The following SWAP70 variants were observed in gnomAD, a reference collection of about 807,000 sequenced individuals.
SWAP70 encodes switching B cell complex subunit SWAP70, also known as switch-associated protein 70.
A neutral mutation model predicts 80.2 loss-of-function variants in SWAP70; 34 were observed. The observed-to-expected ratio is 0.42, with a 90% CI of 0.32 to 0.56. The LOEUF is 0.56. Among genes scored for constraint, SWAP70 ranks in the 20% least tolerant of loss-of-function variants. The probability of loss-of-function intolerance (pLI) is 0.09; values close to 1 mark genes in which losing one functional copy is unlikely to be tolerated. For missense variants in SWAP70, 578 were observed against 690.7 expected, an observed-to-expected ratio of 0.84 and a Z score of 1.83; for synonymous variants, 239 against 238.5, an observed-to-expected ratio of 1.00 and a Z score of -0.02.
At chr11:9,678,914 T>C (rs2134430802) in intron 1 of SWAP70, among the ~76,000 whole-genome samples, 1 of 152,264 alleles carries the variant, frequency 6.6e-6, no homozygotes, top group Non-Finnish European at 1.5e-5. Flanking sequence ...TTGCCTCAGC[T>C]TCCTTTTTCT....
intron 3 of SWAP70, among the ~76,000 whole-genome samples, chr11:9,721,216 C>T (rs1851131028): frequency 2.0e-5 from 3 of 151,984 alleles, no homozygotes; most frequent in South Asian, 2.1e-4. Context: ...TTTTCTCTTC[C>T]TCTGCCTATC....
intron 2 of SWAP70, among the ~76,000 whole-genome samples, chr11:9,701,691 CTTTTTTTTTTTTTT>C (rs1163108695): frequency 2.9e-5 from 2 of 68,526 alleles, no homozygotes; most frequent in East Asian, 9.2e-4. Context: ...TTTGTGGGCT[CTTTTTTTTTTTTTT>C]TTTTTTTTTT....
chr11:9,696,150 A>G (rs1850754735), intron 2 of SWAP70, among the ~76,000 whole-genome samples: 1 of 152,072 alleles, frequency 6.6e-6, no homozygotes, highest in Admixed American at 6.6e-5. Flanking sequence ...TTCCTCTGGG[A>G]TATGTTCTGA....
intron 7 of SWAP70, among the ~76,000 whole-genome samples, chr11:9,737,694 G>A (rs1437975970): frequency 6.6e-6 from 1 of 152,058 alleles, no homozygotes; most frequent in South Asian, 2.1e-4. Context: ...TCAAGAGATC[G>A]ACACTATCCT....
intron 1 of SWAP70, among the ~76,000 whole-genome samples, chr11:9,684,071 C>A (rs1330372459): frequency 1.3e-5 from 2 of 151,240 alleles, no homozygotes; most frequent in Non-Finnish European, 3.0e-5. Context: ...GATTTGTGAT[C>A]TTTCTTAAAT....
At chr11:9,708,816 T>G (rs958577242) in intron 2 of SWAP70, among the ~76,000 whole-genome samples, 1 of 152,150 alleles carries the variant, frequency 6.6e-6, no homozygotes, top group Non-Finnish European at 1.5e-5. Context: ...ATGTTCTGCA[T>G]AGATGGCATT....
In SWAP70 at chr11:9,748,057, G is replaced by C; in HGVS notation, c.1554+1G>C. 1 of 1,613,682 alleles carries C rather than the reference G, an allele frequency of 6.2e-7. No homozygotes were observed. The highest frequency in any genetic ancestry group is 8.5e-7 in the Non-Finnish European group (1 of 1,179,670). On this transcript the variant is annotated splice_donor_variant, in intron 10 of 11. Transcript: ENST00000318950. LOFTEE classifies it high-confidence loss of function. ...GAAGCAAGCACTTGAGCAGTACGAG[G>C]TAATGAGACTTGGCCCTGCAAACTT...
At chr11:9,710,341 TCTGCTGCTGCTG>T (rs891814379) in intron 2 of SWAP70, among the ~76,000 whole-genome samples, 1 of 152,126 alleles carries the variant, frequency 6.6e-6, no homozygotes, top group Non-Finnish European at 1.5e-5. Context: ...AATTGCTGCT[TCTGCTGCTGCTG>T]CTGCTTTCCC....
intron 9 of SWAP70, chr11:9,742,042 A>G (rs1408967849): frequency 6.6e-6 from 1 of 151,124 alleles, no homozygotes; most frequent in Non-Finnish European, 1.5e-5. Context: ...CCACTGTACT[A>G]CAGCCTGGGG....
chr11:9,704,752 TC>T (rs1850878333), intron 2 of SWAP70, among the ~76,000 whole-genome samples: 1 of 152,146 alleles, frequency 6.6e-6, no homozygotes, highest in African/African-American at 2.4e-5. Context: ...TCTGTCTTCC[TC>T]CTCGCACTAG....
intron 2 of SWAP70, among the ~76,000 whole-genome samples, chr11:9,701,208 G>T (rs1850826742): frequency 6.9e-6 from 1 of 145,650 alleles, no homozygotes; most frequent in African/African-American, 2.5e-5. Flanking sequence ...TCTTACTCTT[G>T]TTCCCCAGGC....
chr11:9,713,353 A>T, intron 2 of SWAP70, 113 bp from the exon 3 acceptor site: 1 of 1,071,686 alleles, frequency 9.3e-7, no homozygotes, highest in Non-Finnish European at 1.3e-6. Context: ...GCTGTTGGTT[A>T]ATTGGATTGA....
intron 1 of SWAP70, among the ~76,000 whole-genome samples, chr11:9,671,277 A>G (rs372098464): frequency 1.0e-5 from 1 of 99,488 alleles, no homozygotes; most frequent in Admixed American, 1.5e-4. Context: ...ATATTTATAA[A>G]TATAAATATA....
At chr11:9,693,680 G>A (rs2134447170) in intron 1 of SWAP70, among the ~76,000 whole-genome samples, 1 of 152,286 alleles carries the variant, frequency 6.6e-6, no homozygotes, top group African/African-American at 2.4e-5. Context: ...GAGAGGTTGT[G>A]ACTTGCCCAG....
chr11:9,664,104 C>T lies in SWAP70; in HGVS notation c.-76C>T. ...GTGACTGCGCGGCGGGCTGTGGCTG[C>T]GGAGGTTGAGGGGCGTCCGAGGCGC... On this transcript the variant is annotated 5_prime_UTR_variant, in exon 1 of 12. Transcript: ENST00000318950. The T allele has an allele frequency of 7.3e-7, 1 of 1,375,672 alleles. No homozygotes were observed. The highest frequency in any genetic ancestry group is 1.5e-5 in the African/African-American group (1 of 65,864). 85.2% of individuals were successfully genotyped at this position (1,375,672 alleles called of 1,614,324 possible).
intron 2 of SWAP70, among the ~76,000 whole-genome samples, chr11:9,699,664 G>A (rs367769109): frequency 5.3e-5 from 8 of 152,096 alleles, no homozygotes; most frequent in African/African-American, 1.9e-4. Context: ...AGACCATCCT[G>A]GGTGACATAG....
At chr11:9,708,884 A>G (rs1425241276) in intron 2 of SWAP70, among the ~76,000 whole-genome samples, 1 of 152,146 alleles carries the variant, frequency 6.6e-6, no homozygotes, top group African/African-American at 2.4e-5. Flanking sequence ...TTCTACAAGC[A>G]GTTTGGTATG....
intron 1 of SWAP70, among the ~76,000 whole-genome samples, chr11:9,665,007 C>T (rs1850291566): frequency 6.6e-6 from 1 of 152,166 alleles, no homozygotes; most frequent in South Asian, 2.1e-4. Context: ...TGCCGGAGAC[C>T]CTAGAGTATA....
intron 2 of SWAP70, among the ~76,000 whole-genome samples, chr11:9,708,227 C>T (rs890744590): frequency 6.6e-6 from 1 of 152,140 alleles, no homozygotes; most frequent in Non-Finnish European, 1.5e-5. Context: ...CACTGTTTTC[C>T]ATAGCAGCTG....
Sources: allele counts gnomAD v4.1 joint callset (sites outside exome capture counted in the v4.1 genomes callset), GRCh38; gene constraint gnomAD v4.1.1; transcripts MANE v1.5; gene names NCBI Gene and HGNC (gene_info 2026-07-23, HGNC 2026-07-21).